Variants in ST6GALNAC3 observed in about 807,000 individuals in gnomAD.
The protein encoded by ST6GALNAC3 is alpha-N-acetylgalactosaminide alpha-2,6-sialyltransferase 3.
Under a neutral mutation model 32.7 loss-of-function variants are expected in ST6GALNAC3, and 25 were observed. That is an observed-to-expected ratio of 0.76 (90% confidence interval 0.56 to 1.07). The LOEUF is 1.07. Ranked by LOEUF, ST6GALNAC3 falls within the 50% of genes least tolerant of loss-of-function variation. The probability of loss-of-function intolerance (pLI) is 0.00; values close to 1 mark genes in which losing one functional copy is unlikely to be tolerated. For missense variants in ST6GALNAC3, 355 were observed against 382.4 expected, an observed-to-expected ratio of 0.93 and a Z score of 0.60; for synonymous variants, 129 against 133.1, an observed-to-expected ratio of 0.97 and a Z score of 0.21.
In ST6GALNAC3 at chr1:76,608,597, ATGTGTGTGTGTG is replaced by A. The variant is rs60960904; in HGVS notation, c.624-18817_624-18806del. Among the ~76,000 whole-genome samples, 1,031 of 135,238 alleles carry A rather than the reference ATGTGTGTGTGTG, an allele frequency of 7.6e-3. 6 individuals are homozygous for A. The highest frequency in any genetic ancestry group is 0.025 in the African/African-American group (915 of 36,946). The allele number at this position is 135,238 out of a possible 152,430, so 88.7% of individuals were successfully genotyped here. On this transcript the variant is annotated intron_variant, in intron 3 of 4. Coordinates refer to ENST00000328299, the MANE Select transcript of ST6GALNAC3 (RefSeq NM_152996.4). ...GAAGATCAAAAGCCCTGAGCTGGAA[ATGTGTGTGTGTG>A]TGTGTGTGTGTGTGTGTGTGTGTGT...
intron 3 of ST6GALNAC3, among the ~76,000 whole-genome samples, chr1:76,435,889 G>A (rs918898025): frequency 6.0e-5 from 9 of 150,864 alleles, no homozygotes; most frequent in Non-Finnish European, 1.0e-4. Flanking sequence ...ATTTCCATAG[G>A]TTATTGGGGA....
At chr1:76,484,122 T>A (rs1659932979) in intron 3 of ST6GALNAC3, among the ~76,000 whole-genome samples, 1 of 152,170 alleles carries the variant, frequency 6.6e-6, no homozygotes, top group Non-Finnish European at 1.5e-5. Flanking sequence ...TTGGTTACTG[T>A]AGCCTTGTAG....
At chr1:76,579,052 C>T (rs1164010109) in intron 3 of ST6GALNAC3, among the ~76,000 whole-genome samples, 1 of 151,970 alleles carries the variant, frequency 6.6e-6, no homozygotes, top group Non-Finnish European at 1.5e-5. Context: ...TCTGAGAAAA[C>T]CAGACTATTA....
At chr1:76,583,095 A>G (rs1017954158) in intron 3 of ST6GALNAC3, among the ~76,000 whole-genome samples, 1 of 152,192 alleles carries the variant, frequency 6.6e-6, no homozygotes, top group Non-Finnish European at 1.5e-5. Flanking sequence ...TGAGCCAATG[A>G]GAGCTGATTT....
chr1:76,556,160 A>G (rs1242648024), intron 3 of ST6GALNAC3, among the ~76,000 whole-genome samples: 1 of 152,132 alleles, frequency 6.6e-6, no homozygotes, highest in Non-Finnish European at 1.5e-5. Flanking sequence ...TCTTTCATTA[A>G]GCATAATATT....
intron 3 of ST6GALNAC3, among the ~76,000 whole-genome samples, chr1:76,507,257 C>CT (rs1398543142): frequency 6.6e-6 from 1 of 151,986 alleles, no homozygotes; most frequent in Non-Finnish European, 1.5e-5. Flanking sequence ...TTTTCCTTTT[C>CT]TTTTTTAAAA....
chr1:76,498,258 T>C (rs1030024854), intron 3 of ST6GALNAC3, among the ~76,000 whole-genome samples: 1 of 152,194 alleles, frequency 6.6e-6, no homozygotes, highest in Non-Finnish European at 1.5e-5. Flanking sequence ...ATTCCCCAAT[T>C]CCTTTTATCA....
chr1:76,497,487 A>G (rs1660925404), intron 3 of ST6GALNAC3, among the ~76,000 whole-genome samples: 1 of 152,202 alleles, frequency 6.6e-6, no homozygotes, highest in African/African-American at 2.4e-5. Context: ...GTGAAACTAA[A>G]CAGTGGATCT....
At chr1:76,425,755 C>T (rs1655335215) in intron 3 of ST6GALNAC3, among the ~76,000 whole-genome samples, 1 of 151,758 alleles carries the variant, frequency 6.6e-6, no homozygotes, top group Non-Finnish European at 1.5e-5. Context: ...ATGTCTTGAC[C>T]ACAAGGATAG....
At chr1:76,570,530 TA>T (rs1280746215) in intron 3 of ST6GALNAC3, among the ~76,000 whole-genome samples, 1 of 152,076 alleles carries the variant, frequency 6.6e-6, no homozygotes, top group East Asian at 1.9e-4. Flanking sequence ...GGAAACTACT[TA>T]AAAGAAGTAT....
intron 1 of ST6GALNAC3, among the ~76,000 whole-genome samples, chr1:76,089,617 A>G (rs1647016060): frequency 6.6e-6 from 1 of 152,204 alleles, no homozygotes; most frequent in Non-Finnish European, 1.5e-5. Context: ...AGGTTGTTAA[A>G]TTTTCCATTT....
intron 1 of ST6GALNAC3, among the ~76,000 whole-genome samples, chr1:76,193,871 G>A (rs1230991201): frequency 1.3e-5 from 2 of 152,200 alleles, no homozygotes; most frequent in South Asian, 4.1e-4. Context: ...GTGGTAGAGA[G>A]AGAGTGAACA....
intron 1 of ST6GALNAC3, among the ~76,000 whole-genome samples, chr1:76,286,111 AT>A (rs1352016442): frequency 6.6e-6 from 1 of 152,158 alleles, no homozygotes; most frequent in Non-Finnish European, 1.5e-5. Flanking sequence ...AGGATCAAAT[AT>A]GTCTGAAGAG....
At chr1:76,406,997 C>T (rs1275895854) in intron 2 of ST6GALNAC3, among the ~76,000 whole-genome samples, 1 of 151,960 alleles carries the variant, frequency 6.6e-6, no homozygotes, top group Admixed American at 6.6e-5. Context: ...AATTCTACTA[C>T]ACTATACTTA....
chr1:76,495,245 A>G (rs1450009568), intron 3 of ST6GALNAC3, among the ~76,000 whole-genome samples: 1 of 152,172 alleles, frequency 6.6e-6, no homozygotes, highest in African/African-American at 2.4e-5. Context: ...TATGCCAGGT[A>G]CTTACTTAAC....
intron 3 of ST6GALNAC3, among the ~76,000 whole-genome samples, chr1:76,551,265 T>A (rs1294850530): frequency 6.6e-6 from 1 of 152,200 alleles, no homozygotes; most frequent in Admixed American, 6.5e-5. Flanking sequence ...TAGTGCTTCA[T>A]GACAAAGTTG....
At chr1:76,113,306 C>T (rs1648212848) in intron 1 of ST6GALNAC3, among the ~76,000 whole-genome samples, 2 of 134,886 alleles carry the variant, frequency 1.5e-5, no homozygotes, top group Non-Finnish European at 3.1e-5. Context: ...CCAGCTTCCG[C>T]TCGGCATCAG....
chr1:76,457,371 A>G (rs1323694794), intron 3 of ST6GALNAC3, among the ~76,000 whole-genome samples: 1 of 152,174 alleles, frequency 6.6e-6, no homozygotes, highest in African/African-American at 2.4e-5. Flanking sequence ...TTCATATGGA[A>G]CCAAAAAGGA....
chr1:76,219,380 G>T (rs1655644307), intron 1 of ST6GALNAC3, among the ~76,000 whole-genome samples: 1 of 152,176 alleles, frequency 6.6e-6, no homozygotes, highest in Non-Finnish European at 1.5e-5. Flanking sequence ...GAAGTATTGA[G>T]AACTCAGGAA....
Sources: allele counts gnomAD v4.1 joint callset (sites outside exome capture counted in the v4.1 genomes callset), GRCh38; gene constraint gnomAD v4.1.1; transcripts MANE v1.5; gene names NCBI Gene and HGNC (gene_info 2026-07-23, HGNC 2026-07-21).